The following SNAPC4 variants were observed in gnomAD, a reference collection of about 807,000 sequenced individuals.
SNAPC4 encodes the protein small nuclear RNA activating complex polypeptide 4.
SNAPC4 carries 127 observed loss-of-function variants against 151.3 expected under a neutral mutation model. That is an observed-to-expected ratio of 0.84 (90% CI 0.73 to 0.97). The LOEUF is 0.97. SNAPC4 is among the 50% of genes least tolerant of loss of function. The probability of loss-of-function intolerance (pLI) is 0.00; values close to 1 mark genes in which losing one functional copy is unlikely to be tolerated. For missense variants in SNAPC4, 2,186 were observed against 1,935.0 expected (o/e 1.13, Z -2.43); for synonymous variants, 1,002 against 824.4 (o/e 1.22, Z -3.69).
At chr9:136,393,510 A>G (rs1834153642) in intron 7 of SNAPC4, among the ~76,000 whole-genome samples, 1 of 152,260 alleles carries the variant, frequency 6.6e-6, no homozygotes, top group Admixed American at 6.5e-5. Flanking sequence ...AAGTGCGGAC[A>G]GTAAGGCTGT....
chr9:136,391,812 G>A (rs988669374), intron 10 of SNAPC4, 130 bp downstream of exon 10: 16 of 978,906 alleles, frequency 1.6e-5, no homozygotes, highest in Non-Finnish European at 2.4e-5. Flanking sequence ...CCACAGCCTG[G>A]AGGTGGCAAC....
At chr9:136,399,246 C>T (rs1232812881) in intron 1 of SNAPC4, among the ~76,000 whole-genome samples, 1 of 152,234 alleles carries the variant, frequency 6.6e-6, no homozygotes, top group Non-Finnish European at 1.5e-5. Context: ...CTGCTGGAGG[C>T]TGACTGGGGC....
intron 11 of SNAPC4, 61 bp downstream of exon 11, chr9:136,388,383 C>T (rs1833960935): frequency 6.4e-7 from 1 of 1,557,260 alleles, no homozygotes; most frequent in Admixed American, 1.7e-5. Context: ...CTGCAAGTCT[C>T]CAGTGTCCTG....
intron 22 of SNAPC4, among the ~76,000 whole-genome samples, chr9:136,377,274 C>G (rs1358554566): frequency 6.6e-6 from 1 of 152,226 alleles, no homozygotes; most frequent in Non-Finnish European, 1.5e-5. Context: ...GGCCACCTGG[C>G]TGGGCAGCAT....
chr9:136,386,221 C>T (rs1255399439), intron 13 of SNAPC4, among the ~76,000 whole-genome samples: 2 of 151,678 alleles, frequency 1.3e-5, no homozygotes, highest in Non-Finnish European at 2.9e-5. Context: ...TGACTCATGG[C>T]GCCAGGCATC....
intron 19 of SNAPC4, 40 bp from the exon 20 acceptor site, chr9:136,380,890 G>A (rs1026159120): frequency 1.6e-5 from 20 of 1,256,064 alleles, no homozygotes; most frequent in Non-Finnish European, 1.9e-5. Context: ...AGCTGCTTTC[G>A]GGAGCAGCTC....
intron 14 of SNAPC4, among the ~76,000 whole-genome samples, chr9:136,384,338 C>T (rs1322783999): frequency 6.6e-6 from 1 of 152,214 alleles, no homozygotes; most frequent in Non-Finnish European, 1.5e-5. Context: ...CCCACGATTC[C>T]CGCTCTTCAC....
chr9:136,386,025 A>T (rs912009997), intron 13 of SNAPC4, among the ~76,000 whole-genome samples: 1 of 152,058 alleles, frequency 6.6e-6, no homozygotes, highest in Admixed American at 6.5e-5. Context: ...TATGCTTATC[A>T]ATCTTGGGGG....
At position 136,383,121 on chromosome 9, in the gene SNAPC4, C is replaced by T. The variant is rs1833758186; in HGVS notation, c.1983+65G>A. The T allele has an allele frequency of 1.3e-5, 19 of 1,498,128 alleles. No homozygotes were observed. Among genetic ancestry groups the T allele is most frequent in the Non-Finnish European group, 1.6e-5 (18 of 1,127,184 alleles). 92.8% of individuals were successfully genotyped at this position (1,498,128 alleles called of 1,614,324 possible). A position where few individuals can be genotyped will look rare whatever the true frequency, so the allele number is the denominator to read the frequency against. ...CCCCTGCTGCTGCACTATCCCCAAGCGTCAGCCCTGGCGAGCGAGTGCCGA... is the reference window on the plus strand; with the variant it reads ...CCCCTGCTGCTGCACTATCCCCAAGTGTCAGCCCTGGCGAGCGAGTGCCGA... On this transcript the variant is annotated intron_variant, in intron 16 of 23. Transcript: ENST00000684778. This position sits in a 1 kb window ranked among gnomAD's most constrained non-coding sequence, Gnocchi z 4.2.
chr9:136,376,717 C>T (rs1833459387), intron 22 of SNAPC4, among the ~76,000 whole-genome samples: 1 of 152,176 alleles, frequency 6.6e-6, no homozygotes, highest in Non-Finnish European at 1.5e-5. Flanking sequence ...CCCACTCCCC[C>T]ATGGGACAGC....
Position 136,395,296 on chromosome 9 carries a change from A to G in SNAPC4, c.471+2T>C. On this transcript the variant is annotated splice_donor_variant, in intron 5 of 23. Transcript: ENST00000684778. LOFTEE classifies it high-confidence loss of function. Reference sequence around the variant, plus strand: ...GACAAGAGCAGGGCCTCGGCCACTCACCACGCCCGTGACCTTGTCCTTGAA... The same window carrying G: ...GACAAGAGCAGGGCCTCGGCCACTCGCCACGCCCGTGACCTTGTCCTTGAA... 6.2e-7 allele frequency: 1 copy of G among 1,612,882 alleles called. No individual in the cohort carries two copies. The highest frequency in any genetic ancestry group is 8.5e-7 in the Non-Finnish European group (1 of 1,179,590).
chr9:136,392,819 C>T (rs1057399363), intron 7 of SNAPC4, 42 bp from the exon 8 acceptor site: 3 of 1,548,430 alleles, frequency 1.9e-6, no homozygotes, highest in African/African-American at 2.7e-5. Context: ...GGCACGAGGG[C>T]TGCGGGGCGG....
chr9:136,381,727 G>T, intron 18 of SNAPC4, 97 bp downstream of exon 18: 2 of 1,465,338 alleles, frequency 1.4e-6, no homozygotes, highest in Non-Finnish European at 1.8e-6. Flanking sequence ...CCCTGCTGAG[G>T]CCACTTCCCC....
chr9:136,377,616 T>G lies in SNAPC4; in HGVS notation c.4211A>C (p.Asp1404Ala). 6.4e-7 allele frequency: 1 copy of G among 1,563,642 alleles called. No individual in the cohort carries two copies. Among genetic ancestry groups the G allele is most frequent in the Non-Finnish European group, 8.7e-7 (1 of 1,152,892 alleles). The change falls in exon 22 of 24, where the codon GAC becomes GCC. Residue 1404 changes from aspartate (D) to alanine (A), a missense_variant. Coordinates refer to ENST00000684778, the MANE Select transcript of SNAPC4 (RefSeq NM_003086.4). ...SRVGSESEDE[D>A]LLSELELADR... ...TGCAAGTTCCAGCTCACTCAGGAGG[T>G]CTTCATCCTCACTCTCAGAGCCCAC...
At chr9:136,395,839 T>C (rs541019984) in intron 3 of SNAPC4, 69 bp from the exon 4 acceptor site, 1 of 1,486,512 alleles carries the variant, frequency 6.7e-7, no homozygotes, top group South Asian at 1.2e-5. Context: ...CGGCAGCCAG[T>C]CGCCCATCGC....
At chr9:136,399,266 C>T (rs1163738473) in intron 1 of SNAPC4, among the ~76,000 whole-genome samples, 1 of 152,260 alleles carries the variant, frequency 6.6e-6, no homozygotes, top group Non-Finnish European at 1.5e-5. Context: ...CCCTGCCCAA[C>T]TGGAACAAAA....
chr9:136,377,414 TAA>T, intron 22 of SNAPC4, 127 bp downstream of exon 22: 1 of 1,221,074 alleles, frequency 8.2e-7, no homozygotes. Flanking sequence ...TTCCTCCTCC[TAA>T]GACACCCAGC....
At chr9:136,392,215 G>C in intron 9 of SNAPC4, 109 bp from the exon 10 acceptor site, 2 of 1,334,196 alleles carry the variant, frequency 1.5e-6, no homozygotes, top group South Asian at 2.4e-5. Context: ...TTCCACGGCT[G>C]CAAGTAAGCG....
rs1311143546 is a variant in SNAPC4, at chr9:136,378,884, G to A, written c.2943C>T (p.Leu981=). 6.2e-7 allele frequency: 1 copy of A among 1,611,420 alleles called. No homozygotes were observed. The highest frequency in any genetic ancestry group is 8.5e-7 in the Non-Finnish European group (1 of 1,179,606). ...CGAGGGGCAGGGCTTGCATGGTGGA[G>A]AGTCTCTTGTCCTTGGCTGAAGTCC... The part of the protein sequence containing the change: ...EAGTSAKDKR[L]STMQALPLAP... The change falls in exon 22 of 24, where the codon CTC becomes CTT. Residue 981 remains leucine, a synonymous_variant. Transcript: ENST00000684778.
Sources: gnomAD v4.1 joint callset for allele counts (sites outside exome capture counted in the v4.1 genomes callset) on GRCh38, gnomAD v4.1.1 for gene constraint, Gnocchi (gnomAD v3.1) non-coding constraint, MANE v1.5 for transcripts, NCBI Gene and HGNC (gene_info 2026-07-23, HGNC 2026-07-21) for gene names.